LDLRAD4: variants seen among roughly 807,000 people sequenced by gnomAD.
LDLRAD4 encodes the protein low-density lipoprotein receptor class A domain-containing protein 4.
A neutral mutation model predicts 17.0 loss-of-function variants in LDLRAD4; 5 were observed. The ratio of observed to expected loss-of-function variants is 0.29; its 90% CI spans 0.15 to 0.62. LDLRAD4 has a LOEUF of 0.62. Among genes scored for constraint, LDLRAD4 ranks in the 20% least tolerant of loss-of-function variants. The probability of loss-of-function intolerance (pLI) is 0.84; values close to 1 mark genes in which losing one functional copy is unlikely to be tolerated. For missense variants in LDLRAD4, 340 were observed against 424.7 expected (o/e 0.80, Z 1.75); for synonymous variants, 168 against 171.8 (o/e 0.98, Z 0.17).
intron 1 of LDLRAD4, among the ~76,000 whole-genome samples, chr18:13,272,497 A>G (rs2044619571): frequency 6.6e-6 from 1 of 152,226 alleles, no homozygotes; most frequent in African/African-American, 2.4e-5. Context: ...GAACACTCAA[A>G]CACAGCGAGA....
intron 1 of LDLRAD4, among the ~76,000 whole-genome samples, chr18:13,342,344 A>G (rs1475774681): frequency 6.6e-6 from 1 of 152,042 alleles, no homozygotes; most frequent in African/African-American, 2.4e-5. Context: ...AGAAGTCACC[A>G]GTGGAGACAT....
chr18:13,265,334 C>T (rs2044155659), intron 1 of LDLRAD4, among the ~76,000 whole-genome samples: 1 of 152,186 alleles, frequency 6.6e-6, no homozygotes, highest in African/African-American at 2.4e-5. Context: ...AAGGTCAACG[C>T]CAAACTTACC....
chr18:13,642,826 T>G (rs1276033914), intron 4 of LDLRAD4: 2 of 977,780 alleles, frequency 2.0e-6, no homozygotes, highest in Admixed American at 8.6e-5. Flanking sequence ...CCATGTTTCC[T>G]TTTGTTCACA....
At chr18:13,283,217 A>G (rs1567965531) in intron 1 of LDLRAD4, among the ~76,000 whole-genome samples, 1 of 152,234 alleles carries the variant, frequency 6.6e-6, no homozygotes. Flanking sequence ...GGAGATTAAC[A>G]TTAGGCTTCT....
At chr18:13,275,910 G>A (rs1390761284), upstream of LDLRAD4, among the ~76,000 whole-genome samples, 3 of 152,214 alleles carry the variant, frequency 2.0e-5, no homozygotes, top group Non-Finnish European at 2.9e-5. Context: ...GGTAGATGAG[G>A]CAGGGCAGAG....
intron 3 of LDLRAD4, among the ~76,000 whole-genome samples, chr18:13,618,333 G>A (rs1043031143): frequency 6.6e-6 from 1 of 152,218 alleles, no homozygotes; most frequent in African/African-American, 2.4e-5. Flanking sequence ...AGTCAGGGGC[G>A]CTGTGGGTTG....
At chr18:13,651,125 T>G (rs2043228719) in exon 6 of LDLRAD4, 1 of 152,248 alleles carries the variant, frequency 6.6e-6, no homozygotes, top group South Asian at 2.1e-4. Context: ...ATCTATCTCC[T>G]GCTGTAGCAT....
chr18:13,530,609 G>A (rs2094112362), intron 3 of LDLRAD4, among the ~76,000 whole-genome samples: 2 of 152,240 alleles, frequency 1.3e-5, no homozygotes, highest in South Asian at 2.1e-4. Flanking sequence ...GGTGGGGTCC[G>A]CTGGCTCAGC....
chr18:13,446,755 G>T (rs188635590), intron 3 of LDLRAD4, among the ~76,000 whole-genome samples: 1 of 152,218 alleles, frequency 6.6e-6, no homozygotes, highest in Non-Finnish European at 1.5e-5. Context: ...CACCATCCCC[G>T]CTTCACCTGC....
At chr18:13,534,843 C>A (rs527713558) in intron 3 of LDLRAD4, among the ~76,000 whole-genome samples, 29 of 152,326 alleles carry the variant, frequency 1.9e-4, no homozygotes, top group African/African-American at 5.5e-4. Context: ...AGTCCCCAGT[C>A]CCGACCCCAG....
chr18:13,609,756 TGAAGTCAGG>T (rs1305384323), intron 3 of LDLRAD4, among the ~76,000 whole-genome samples: 1 of 152,186 alleles, frequency 6.6e-6, no homozygotes, highest in Admixed American at 6.5e-5. Flanking sequence ...GTGGGTCGCT[TGAAGTCAGG>T]AGTTCCAGGA....
At chr18:13,558,807 C>T (rs1028502169) in intron 3 of LDLRAD4, among the ~76,000 whole-genome samples, 2 of 152,046 alleles carry the variant, frequency 1.3e-5, no homozygotes, top group Non-Finnish European at 2.9e-5. Flanking sequence ...CCAAAGAGAA[C>T]CTCTGCCACC....
chr18:13,224,624 C>T (rs1278415886), intron 1 of LDLRAD4, among the ~76,000 whole-genome samples: 3 of 151,774 alleles, frequency 2.0e-5, no homozygotes, highest in African/African-American at 7.2e-5. Flanking sequence ...GGATTACAGG[C>T]ACGTGCCACC....
intron 1 of LDLRAD4, among the ~76,000 whole-genome samples, chr18:13,305,256 G>A (rs938656885): frequency 3.9e-5 from 6 of 152,042 alleles, no homozygotes; most frequent in Non-Finnish European, 5.9e-5. Flanking sequence ...ATATATACAT[G>A]GTACCATTTG....
rs138001924 is a variant in LDLRAD4, at chr18:13,387,619, G to A, written c.-104G>A. ...CTCCCAGAGGCCGGCCCAGCAGAGC[G>A]ATGGACTTGGACAGGCTAAGATGGA... On this transcript the variant is annotated 5_prime_UTR_variant, in exon 2 of 6. Transcript: ENST00000359446. The A allele has an allele frequency of 1.8e-5, 19 of 1,051,538 alleles. No individual in the cohort carries two copies. The African/African-American group carries it at 2.6e-4, about 15-fold the overall frequency. 65.1% of individuals were successfully genotyped at this position (1,051,538 alleles called of 1,614,324 possible).
intron 1 of LDLRAD4, among the ~76,000 whole-genome samples, chr18:13,281,507 C>A (rs2045278557): frequency 6.6e-6 from 1 of 152,234 alleles, no homozygotes; most frequent in Non-Finnish European, 1.5e-5. Context: ...TTGAGGAGGA[C>A]TGAAACTCAG....
intron 2 of LDLRAD4, among the ~76,000 whole-genome samples, chr18:13,422,535 CA>C (rs57943534): frequency 0.077 from 9,135 of 119,264 alleles, 702 homozygotes; most frequent in African/African-American, 0.22. Flanking sequence ...CCATCTCTAC[CA>C]AAAAAAAAAA....
upstream of LDLRAD4, among the ~76,000 whole-genome samples, chr18:13,276,885 T>C (rs1167567925): frequency 6.6e-6 from 1 of 152,212 alleles, no homozygotes; most frequent in Non-Finnish European, 1.5e-5. Flanking sequence ...CCACAGTACC[T>C]TTCTGGTTAT....
At chr18:13,259,730 A>G in intron 1 of LDLRAD4, among the ~76,000 whole-genome samples, 1 of 143,736 alleles carries the variant, frequency 7.0e-6, no homozygotes, top group South Asian at 2.1e-4. Context: ...TCACAAACTC[A>G]AGGGGCATCA....
Sources: allele counts gnomAD v4.1 joint callset (sites outside exome capture counted in the v4.1 genomes callset), GRCh38; gene constraint gnomAD v4.1.1; transcripts MANE v1.5; gene names NCBI Gene and HGNC (gene_info 2026-07-23, HGNC 2026-07-21).